STARD13: variants seen among roughly 807,000 people sequenced by gnomAD.
The protein encoded by STARD13 is stAR-related lipid transfer protein 13.
Under a neutral mutation model 106.4 loss-of-function variants are expected in STARD13, and 62 were observed. The ratio of observed to expected loss-of-function variants is 0.58; its 90% CI spans 0.48 to 0.72. STARD13 has a LOEUF of 0.72. Among genes scored for constraint, STARD13 ranks in the 30% least tolerant of loss-of-function variants. STARD13 has a pLI of 0.00. For missense variants in STARD13, 1,387 were observed against 1,424.0 expected (o/e 0.97, Z 0.42); for synonymous variants, 565 against 553.0 (o/e 1.02, Z -0.31).
intron 1 of STARD13, among the ~76,000 whole-genome samples, chr13:33,209,555 G>A (rs1253194515): frequency 6.6e-6 from 1 of 151,656 alleles, no homozygotes; most frequent in East Asian, 1.9e-4. Context: ...ACTGAACACA[G>A]CAACAACAAT....
At chr13:33,478,233 T>C in the STARD13 span, among the ~76,000 whole-genome samples, 1 of 152,220 alleles carries the variant, frequency 6.6e-6, no homozygotes, top group Non-Finnish European at 1.5e-5. Flanking sequence ...GTTGTCTCAG[T>C]GATTGGCTTT....
Position 33,291,324 on chromosome 13 carries a change from CG to C in STARD13, c.124+58965del, listed in dbSNP as rs1566121634. Among the ~76,000 whole-genome samples the C allele has an allele frequency of 2.0e-5, 3 of 152,204 alleles. 1 individual carries two copies. Among genetic ancestry groups the C allele is most frequent in the South Asian group, 4.2e-4 (2 of 4,814 alleles). On this transcript the variant is annotated intron_variant, in intron 1 of 5. Transcript: ENST00000567873. ...GTAAGAATGTTTTTGTGTAGTCTCA[CG>C]TTTTTTTCCATCGAACCACATGACT...
chr13:33,108,513 T>C (rs1423791320), intron 12 of STARD13, among the ~76,000 whole-genome samples: 1 of 152,232 alleles, frequency 6.6e-6, no homozygotes, highest in Non-Finnish European at 1.5e-5. Flanking sequence ...CCAGGATAAG[T>C]AAGCCCATCT....
chr13:33,496,770 G>A, the STARD13 span, among the ~76,000 whole-genome samples: 17 of 152,004 alleles, frequency 1.1e-4, no homozygotes, highest in African/African-American at 3.6e-4. Flanking sequence ...ATTCATTGCT[G>A]TTTTTTTAAA....
Position 33,129,597 on chromosome 13 carries a change from C to T in STARD13, c.1080G>A (p.Gly360=). 1.2e-6 allele frequency: 2 copies of T among 1,614,114 alleles called. No homozygotes were observed. The highest frequency in any genetic ancestry group is 1.7e-6 in the Non-Finnish European group (2 of 1,180,050). ...CATCTAGGTCCTCCAAGTACATGCCCCCGCGCTTGTTGGCCTCGTGGCACT... is the reference window on the plus strand; with the variant it reads ...CATCTAGGTCCTCCAAGTACATGCCTCCGCGCTTGTTGGCCTCGTGGCACT... The part of the protein sequence containing the change: ...ERKCHEANKR[G]GMYLEDLDVL... The change falls in exon 5 of 14, where the codon GGG becomes GGA. Residue 360 remains glycine, a synonymous_variant. Coordinates refer to ENST00000336934, the MANE Select transcript of STARD13 (RefSeq NM_178006.4).
At chr13:33,588,116 A>G in the STARD13 span, among the ~76,000 whole-genome samples, 1 of 152,120 alleles carries the variant, frequency 6.6e-6, no homozygotes, top group African/African-American at 2.4e-5. Context: ...TAAAAGTCAC[A>G]TATGCACATC....
At chr13:33,413,163 T>A in the STARD13 span, among the ~76,000 whole-genome samples, 1 of 152,146 alleles carries the variant, frequency 6.6e-6, no homozygotes, top group Admixed American at 6.5e-5. Context: ...CACTTCTAAA[T>A]AATCTATGGC....
chr13:33,193,810 TGAG>T (rs1434172304), intron 1 of STARD13, among the ~76,000 whole-genome samples: 2 of 152,162 alleles, frequency 1.3e-5, no homozygotes, highest in African/African-American at 4.8e-5. Flanking sequence ...GTAAAATAAA[TGAG>T]GAGGTTTATC....
At chr13:33,112,978 G>C (rs760048314) in intron 8 of STARD13, 47 bp from the exon 9 acceptor site, 3 of 1,471,710 alleles carry the variant, frequency 2.0e-6, no homozygotes, top group East Asian at 2.3e-5. Flanking sequence ...GACATAGAAA[G>C]AGCCAGCTGG....
intron 1 of STARD13, among the ~76,000 whole-genome samples, chr13:33,273,481 A>G (rs2138367236): frequency 6.6e-6 from 1 of 152,360 alleles, no homozygotes; most frequent in African/African-American, 2.4e-5. Context: ...AAGAGTATAC[A>G]TATTCCATAA....
intron 2 of STARD13, 45 bp downstream of exon 2, chr13:33,167,506 T>C (rs746617784): frequency 6.3e-7 from 1 of 1,594,976 alleles, no homozygotes; most frequent in East Asian, 2.2e-5. Context: ...GTGGTTCATT[T>C]TGGATTTATT....
the STARD13 span, among the ~76,000 whole-genome samples, chr13:33,657,768 A>C: frequency 6.6e-6 from 1 of 152,120 alleles, no homozygotes; most frequent in South Asian, 2.1e-4. Context: ...AAACCCAATC[A>C]ATGTGAAGGC....
the STARD13 span, among the ~76,000 whole-genome samples, chr13:33,634,596 C>T: frequency 1.3e-5 from 2 of 152,168 alleles, no homozygotes; most frequent in Non-Finnish European, 2.9e-5. Context: ...TTTCTTACAT[C>T]CAAAATCCTG....
At chr13:33,262,663 A>ACACACACACG (rs1890707098) in intron 1 of STARD13, among the ~76,000 whole-genome samples, 2 of 37,934 alleles carry the variant, frequency 5.3e-5, no homozygotes, top group African/African-American at 3.1e-4. Context: ...CACACACACA[A>ACACACACACG]CACACACACA....
chr13:33,622,930 AAAG>A, the STARD13 span, among the ~76,000 whole-genome samples: 1 of 142,398 alleles, frequency 7.0e-6, no homozygotes, highest in Admixed American at 6.7e-5. Context: ...AAAAAAAAAA[AAAG>A]AAAGAAAATG....
Position 33,103,636 on chromosome 13 carries a change from G to T in STARD13, c.*1957C>A, listed in dbSNP as rs930327598. ...TGGAGCAGAGTCTGCAGTTTCACAA[G>T]ATCCCCAGGCAATTCATGTGCATGT... On this transcript the variant is annotated 3_prime_UTR_variant, in exon 14 of 14. Coordinates refer to ENST00000336934, the MANE Select transcript of STARD13 (RefSeq NM_178006.4). The T allele has an allele frequency of 1.3e-5, 2 of 152,620 alleles. No homozygotes were observed. The highest frequency in any genetic ancestry group is 4.8e-5 in the African/African-American group (2 of 41,450). The allele number at this position is 152,620 out of a possible 1,614,324, so 9.5% of individuals were successfully genotyped here.
the STARD13 span, among the ~76,000 whole-genome samples, chr13:33,447,494 C>T: frequency 6.6e-6 from 1 of 152,172 alleles, no homozygotes; most frequent in Non-Finnish European, 1.5e-5. Context: ...GTGTCCTGCT[C>T]CAACTTGGAC....
chr13:33,433,703 A>G, the STARD13 span, among the ~76,000 whole-genome samples: 1 of 152,218 alleles, frequency 6.6e-6, no homozygotes, highest in South Asian at 2.1e-4. Context: ...AGGAGGGTTC[A>G]TTAACTATAA....
chr13:33,363,970 A>C, the STARD13 span, among the ~76,000 whole-genome samples: 1 of 152,232 alleles, frequency 6.6e-6, no homozygotes, highest in Non-Finnish European at 1.5e-5. Context: ...TGTACATACA[A>C]ACACTTAACT....
Sources: allele counts gnomAD v4.1 joint callset (sites outside exome capture counted in the v4.1 genomes callset), GRCh38; gene constraint gnomAD v4.1.1; transcripts MANE v1.5; gene names NCBI Gene and HGNC (gene_info 2026-07-23, HGNC 2026-07-21).